CFAP68: variants seen among roughly 807,000 people sequenced by gnomAD.
CFAP68 encodes the protein cilia- and flagella-associated protein 68.
chr11:111,881,584 A>C, the CFAP68 span: 2 of 1,535,748 alleles, frequency 1.3e-6, no homozygotes, highest in Non-Finnish European at 1.7e-6. Context: ...AGCTCAACCT[A>C]CTCAGCATCA....
chr11:111,881,763 G>A, the CFAP68 span: 5 of 979,814 alleles, frequency 5.1e-6, no homozygotes, highest in East Asian at 1.3e-4. Context: ...AGAAGGACAG[G>A]GTACAATAAT....
chr11:111,881,500 G>A, the CFAP68 span: 1 of 1,536,030 alleles, frequency 6.5e-7, no homozygotes, highest in Non-Finnish European at 8.7e-7. Flanking sequence ...GGAAAGCCAG[G>A]TTTGTTGACA....
At chr11:111,879,746 G>T in the CFAP68 span, 1 of 939,038 alleles carries the variant, frequency 1.1e-6, no homozygotes, top group South Asian at 1.4e-5. Context: ...GTCTGGTGGG[G>T]AATGCACAGA....
the CFAP68 span, chr11:111,881,137 C>T: frequency 9.1e-7 from 1 of 1,093,996 alleles, no homozygotes; most frequent in Non-Finnish European, 1.2e-6. Flanking sequence ...AAATTAAAGA[C>T]AAGTCAGAGT....
the CFAP68 span, chr11:111,880,689 C>T: frequency 2.3e-6 from 1 of 439,234 alleles, no homozygotes; most frequent in Admixed American, 2.5e-5. Context: ...CAGGGTTGCT[C>T]TGCATATGGA....
chr11:111,880,139 G>A, the CFAP68 span, among the ~76,000 whole-genome samples: 1 of 152,164 alleles, frequency 6.6e-6, no homozygotes, highest in Non-Finnish European at 1.5e-5. Flanking sequence ...CACCCAGGTA[G>A]GTTGCAGGTT....
At chr11:111,883,670 T>C in the CFAP68 span, 13 of 790,964 alleles carry the variant, frequency 1.6e-5, no homozygotes, top group Admixed American at 2.9e-4. Flanking sequence ...TAACAGGACT[T>C]ACTGTCTATT....
At chr11:111,880,337 C>T in the CFAP68 span, among the ~76,000 whole-genome samples, 1 of 152,138 alleles carries the variant, frequency 6.6e-6, no homozygotes, top group African/African-American at 2.4e-5. Flanking sequence ...TGAATAGGGG[C>T]TAGGTAAATA....
chr11:111,881,152 G>A, the CFAP68 span: 1 of 1,189,748 alleles, frequency 8.4e-7, no homozygotes, highest in African/African-American at 1.6e-5. Context: ...CAGAGTCAAA[G>A]ATAAGCCCCA....
chr11:111,880,819 A>C, the CFAP68 span: 1 of 456,294 alleles, frequency 2.2e-6, no homozygotes, highest in Admixed American at 2.3e-5. Flanking sequence ...TAACAAGAAC[A>C]TGCTGTATTT....
chr11:111,881,985 G>C, the CFAP68 span, among the ~76,000 whole-genome samples: 1 of 152,188 alleles, frequency 6.6e-6, no homozygotes, highest in African/African-American at 2.4e-5. Context: ...GTGTTATCTA[G>C]TTACTCAACT....
chr11:111,884,029 AAC>A, the CFAP68 span: 20 of 573,214 alleles, frequency 3.5e-5, no homozygotes, highest in African/African-American at 3.4e-4. Flanking sequence ...AGCTCACTGT[AAC>A]ACAGTTTCAC....
the CFAP68 span, chr11:111,883,809 C>T: frequency 1.2e-6 from 2 of 1,613,666 alleles, no homozygotes; most frequent in Non-Finnish European, 1.7e-6. Context: ...AGGACATCAA[C>T]CTGAACTGGA....
the CFAP68 span, chr11:111,879,614 A>C: frequency 6.2e-7 from 1 of 1,611,104 alleles, no homozygotes; most frequent in East Asian, 2.2e-5. Flanking sequence ...AGGTGCTTAA[A>C]TCTCCTATCT....
At chr11:111,881,289 TC>T in the CFAP68 span, 2 of 1,424,022 alleles carry the variant, frequency 1.4e-6, no homozygotes, top group Non-Finnish European at 1.8e-6. Context: ...ACTCTGGTCA[TC>T]ATGTTGTTTG....
chr11:111,880,639 A>G, the CFAP68 span: 8 of 374,914 alleles, frequency 2.1e-5, no homozygotes, highest in African/African-American at 4.2e-5. Context: ...CTTGTTTAGT[A>G]TATAATCAAC....
chr11:111,881,760 C>A, the CFAP68 span: 2 of 996,184 alleles, frequency 2.0e-6, no homozygotes, highest in Non-Finnish European at 2.9e-6. Flanking sequence ...GGCAGAAGGA[C>A]AGGGTACAAT....
At chr11:111,883,064 T>C in the CFAP68 span, 2 of 1,118,406 alleles carry the variant, frequency 1.8e-6, no homozygotes, top group Non-Finnish European at 2.7e-6. Flanking sequence ...AGAATTCATG[T>C]CATATTGATC....
the CFAP68 span, among the ~76,000 whole-genome samples, chr11:111,879,797 G>A: frequency 6.6e-6 from 1 of 152,262 alleles, no homozygotes; most frequent in Admixed American, 6.5e-5. Flanking sequence ...GTGTGCTCTG[G>A]GAGCACACAG....
Sources: gnomAD v4.1 joint callset for allele counts (sites outside exome capture counted in the v4.1 genomes callset) on GRCh38, gnomAD v4.1.1 for gene constraint, MANE v1.5 for transcripts, NCBI Gene and HGNC (gene_info 2026-07-23, HGNC 2026-07-21) for gene names.